The following CNTNAP2 variants were observed in gnomAD, a reference collection of about 807,000 sequenced individuals.
CNTNAP2 encodes the protein contactin associated protein 2.
CNTNAP2 carries 98 observed loss-of-function variants against 155.2 expected under a neutral mutation model. That is an observed-to-expected ratio of 0.63 (90% CI 0.54 to 0.75). The LOEUF (loss-of-function observed/expected upper bound fraction) is 0.75. CNTNAP2 is among the 30% of genes least tolerant of loss of function. CNTNAP2 has a pLI of 0.00. For synonymous variants in CNTNAP2, 651 were observed against 631.2 expected (o/e 1.03, Z -0.47); for missense variants, 1,727 against 1,688.1 (o/e 1.02, Z -0.40).
intron 13 of CNTNAP2, among the ~76,000 whole-genome samples, chr7:147,754,674 A>G (rs1162281774): frequency 6.6e-6 from 1 of 152,190 alleles, no homozygotes; most frequent in East Asian, 1.9e-4. Context: ...TTAGTAAAAG[A>G]AATAATGCAT....
At chr7:147,277,663 C>G (rs111830000) in intron 8 of CNTNAP2, among the ~76,000 whole-genome samples, 22 of 151,638 alleles carry the variant, frequency 1.5e-4, no homozygotes, top group African/African-American at 4.8e-4. Flanking sequence ...CTAGAAAGTA[C>G]CATGATTTAC....
At chr7:146,646,744 G>C (rs928365456) in intron 1 of CNTNAP2, among the ~76,000 whole-genome samples, 1 of 152,090 alleles carries the variant, frequency 6.6e-6, no homozygotes, top group Non-Finnish European at 1.5e-5. Context: ...TGAGTCATCA[G>C]TTCTACAAAG....
At chr7:146,369,271 C>A (rs971732232) in intron 1 of CNTNAP2, among the ~76,000 whole-genome samples, 6 of 151,882 alleles carry the variant, frequency 4.0e-5, no homozygotes, top group Non-Finnish European at 8.8e-5. Context: ...TTTTCTTTCA[C>A]ACAGGAAGTC....
rs1311657953 is a variant in CNTNAP2, at chr7:146,627,216, G to A, written c.98-147055G>A. Among the ~76,000 whole-genome samples the A allele has an allele frequency of 3.9e-5, 6 of 152,166 alleles. No homozygotes were observed. The East Asian group carries it at 9.7e-4, about 25-fold the overall frequency. On this transcript the variant is annotated intron_variant, in intron 1 of 23. Coordinates refer to ENST00000361727, the MANE Select transcript of CNTNAP2 (RefSeq NM_014141.6). ...CATGAGAACAGTACAGGAGAGACCA[G>A]CCCCATAATTCAGTCACCTCCCACC...
chr7:147,998,118 T>C (rs1014775458), intron 15 of CNTNAP2, among the ~76,000 whole-genome samples: 22 of 138,568 alleles, frequency 1.6e-4, no homozygotes, highest in Admixed American at 5.7e-4. Flanking sequence ...TTTTTTTTTT[T>C]TTTTTTTTTT....
At chr7:147,726,622 A>G (rs1459632527) in intron 13 of CNTNAP2, among the ~76,000 whole-genome samples, 3 of 152,020 alleles carry the variant, frequency 2.0e-5, no homozygotes, top group African/African-American at 7.2e-5. Flanking sequence ...GTCCTGGGTC[A>G]GGTCACAATG....
intron 3 of CNTNAP2, among the ~76,000 whole-genome samples, chr7:146,907,051 A>G (rs1437533439): frequency 6.6e-6 from 1 of 151,122 alleles, no homozygotes; most frequent in Non-Finnish European, 1.5e-5. Context: ...AAAGGGTATC[A>G]GCGATGGAAG....
intron 8 of CNTNAP2, among the ~76,000 whole-genome samples, chr7:147,223,544 T>C (rs945618966): frequency 6.6e-6 from 1 of 152,122 alleles, no homozygotes; most frequent in African/African-American, 2.4e-5. Context: ...GGGAAAAGCA[T>C]TGTAGGATAT....
chr7:147,981,844 T>C (rs1801537003), intron 15 of CNTNAP2, among the ~76,000 whole-genome samples: 1 of 151,888 alleles, frequency 6.6e-6, no homozygotes, highest in Non-Finnish European at 1.5e-5. Context: ...ATTCTTTCTT[T>C]TTTGCAAAGC....
intron 14 of CNTNAP2, among the ~76,000 whole-genome samples, chr7:147,904,799 T>A (rs893620013): frequency 3.9e-5 from 6 of 152,342 alleles, no homozygotes; most frequent in African/African-American, 1.4e-4. Flanking sequence ...TGTATATGTG[T>A]GTAAAATACT....
chr7:146,159,119 A>C (rs1798176313), intron 1 of CNTNAP2, among the ~76,000 whole-genome samples: 1 of 152,168 alleles, frequency 6.6e-6, no homozygotes, highest in Non-Finnish European at 1.5e-5. Flanking sequence ...TTCAACCCAG[A>C]ATTTCATATC....
chr7:146,690,102 A>C (rs1800670939), intron 1 of CNTNAP2, among the ~76,000 whole-genome samples: 1 of 152,112 alleles, frequency 6.6e-6, no homozygotes, highest in Non-Finnish European at 1.5e-5. Context: ...ACATAATTAC[A>C]GGAAATTTTC....
chr7:147,022,335 C>A lies in CNTNAP2; in HGVS notation c.403-21572C>A, dbSNP rs568679571. 5.3e-5 allele frequency among the ~76,000 whole-genome samples: 8 copies of A among 152,214 alleles called. No individual in the cohort carries two copies. The East Asian group carries it at 1.4e-3, about 26-fold the overall frequency. On this transcript the variant is annotated intron_variant, in intron 3 of 23. Transcript: ENST00000361727. ...CAAGTTTGAAGAACTTCCTACCCAA[C>A]CCTCCCTTAGAAAATTACCCAAAAT...
intron 1 of CNTNAP2, among the ~76,000 whole-genome samples, chr7:146,767,254 C>T (rs1246594329): frequency 6.6e-6 from 1 of 152,030 alleles, no homozygotes; most frequent in Non-Finnish European, 1.5e-5. Flanking sequence ...TTGCTTCTGC[C>T]ATGCAGAGCC....
At chr7:146,277,045 C>T (rs898465336) in intron 1 of CNTNAP2, among the ~76,000 whole-genome samples, 1 of 152,020 alleles carries the variant, frequency 6.6e-6, no homozygotes, top group Non-Finnish European at 1.5e-5. Flanking sequence ...ATCCAATGAG[C>T]GTGTCTTTAT....
intron 1 of CNTNAP2, among the ~76,000 whole-genome samples, chr7:146,366,472 A>G (rs887988893): frequency 5.9e-5 from 9 of 152,120 alleles, no homozygotes; most frequent in African/African-American, 2.2e-4. Context: ...CGTGTGTCAC[A>G]TTACTCTTCA....
chr7:148,076,806 C>T (rs1481984538), intron 15 of CNTNAP2, among the ~76,000 whole-genome samples: 2 of 152,072 alleles, frequency 1.3e-5, no homozygotes, highest in African/African-American at 4.8e-5. Flanking sequence ...TACTTTCCAC[C>T]ATCACAAAAG....
At chr7:146,775,955 G>T (rs951961153) in intron 2 of CNTNAP2, among the ~76,000 whole-genome samples, 2 of 151,966 alleles carry the variant, frequency 1.3e-5, no homozygotes, top group African/African-American at 4.8e-5. Context: ...TATTCATCAG[G>T]CTATGGACAT....
At chr7:147,391,751 A>C (rs1341579855) in intron 9 of CNTNAP2, among the ~76,000 whole-genome samples, 1 of 151,820 alleles carries the variant, frequency 6.6e-6, no homozygotes, top group Admixed American at 6.6e-5. Flanking sequence ...AATACCTAAT[A>C]ATTTTCTTGG....
Sources: allele counts gnomAD v4.1 joint callset (sites outside exome capture counted in the v4.1 genomes callset), GRCh38; gene constraint gnomAD v4.1.1; transcripts MANE v1.5; gene names NCBI Gene and HGNC (gene_info 2026-07-23, HGNC 2026-07-21).